Variants in NFATC2 observed in about 807,000 individuals in gnomAD.
The protein encoded by NFATC2 is nuclear factor of activated T cells 2.
Under a neutral mutation model 87.3 loss-of-function variants are expected in NFATC2, and 22 were observed. That is an observed-to-expected ratio of 0.25 (90% CI 0.18 to 0.36). The LOEUF (loss-of-function observed/expected upper bound fraction) is 0.36. Among genes scored for constraint, NFATC2 ranks in the 10% least tolerant of loss-of-function variants. The pLI is 1.00. For missense variants in NFATC2, 1,149 were observed against 1,259.1 expected, an observed-to-expected ratio of 0.91 and a Z score of 1.32; for synonymous variants, 565 against 542.2, an observed-to-expected ratio of 1.04 and a Z score of -0.58.
rs2076508157 is a variant in NFATC2 at position 51,524,337 on chromosome 20, C to T, written c.131-227G>A. Among the ~76,000 whole-genome samples the T allele has an allele frequency of 6.6e-6, 1 of 152,098 alleles. No homozygotes were observed. ...GAAGCAGAATGAGTTCTGGAAGACC[C>T]CTGGGCTAAGGGCCTCGAAACTTGG... is the stretch of plus-strand genomic sequence containing the variant. On this transcript the variant is annotated intron_variant, in intron 1 of 10. Coordinates refer to ENST00000371564, the MANE Select transcript of NFATC2 (RefSeq NM_012340.5). This position sits in a 1 kb window ranked among gnomAD's most constrained non-coding sequence, Gnocchi z 4.0.
chr20:51,463,518 CT>C (rs1987361883), intron 5 of NFATC2, among the ~76,000 whole-genome samples: 1 of 152,220 alleles, frequency 6.6e-6, no homozygotes, highest in Non-Finnish European at 1.5e-5. Context: ...GATCATTACT[CT>C]ACCATTCCAA....
intron 9 of NFATC2, among the ~76,000 whole-genome samples, chr20:51,408,656 A>ACCTT (rs1978743997): frequency 6.6e-6 from 1 of 152,106 alleles, no homozygotes; most frequent in Non-Finnish European, 1.5e-5. Context: ...TGAAATTAGA[A>ACCTT]CCTTCCCTCA....
rs1377520850 is a variant in NFATC2, at chr20:51,390,214, T to C, written c.*1282A>G. ...AGATTTCTTCATGTTAGAATTTGAG[T>C]GCGGATAGGTCTTCAGGGGCAGAAG... On this transcript the variant is annotated 3_prime_UTR_variant, in exon 11 of 11. Coordinates refer to ENST00000371564, the MANE Select transcript of NFATC2 (RefSeq NM_012340.5). 6.6e-6 allele frequency: 1 copy of C among 152,138 alleles called. No homozygotes were observed. Among genetic ancestry groups the C allele is most frequent in the African/African-American group, 2.4e-5 (1 of 41,412 alleles). The allele number at this position is 152,138 out of a possible 1,614,324, so 9.4% of individuals were successfully genotyped here.
rs140920790 is a variant in NFATC2 at position 51,555,103 on chromosome 20, C to T, written c.70+7457G>A. ...CCTGCCCCACACTGGCCCCAGCCATCTTCATCTCCTGCCTGGACCACTGCA... is the reference window on the plus strand; with the variant it reads ...CCTGCCCCACACTGGCCCCAGCCATTTTCATCTCCTGCCTGGACCACTGCA... On this transcript the variant is annotated intron_variant, in intron 1 of 10. Transcript: ENST00000414705. Among the ~76,000 whole-genome samples the T allele has an allele frequency of 4.4e-3, 676 of 152,310 alleles. 4 individuals are homozygous for T. The highest frequency in any genetic ancestry group is 0.016 in the African/African-American group (649 of 41,558).
At chr20:51,392,684 C>G (rs1233422581) in intron 10 of NFATC2, among the ~76,000 whole-genome samples, 1 of 152,212 alleles carries the variant, frequency 6.6e-6, no homozygotes, top group Non-Finnish European at 1.5e-5. Context: ...GGTTCTGACA[C>G]TGAATTCTTC....
chr20:51,492,612 C>T (rs370190627), intron 3 of NFATC2, among the ~76,000 whole-genome samples: 4 of 152,242 alleles, frequency 2.6e-5, no homozygotes, highest in Non-Finnish European at 5.9e-5. Context: ...GGGCCCTCTG[C>T]GCGGCTTCAA....
At chr20:51,543,424 C>G (rs1469668485), upstream of NFATC2, among the ~76,000 whole-genome samples, 1 of 152,190 alleles carries the variant, frequency 6.6e-6, no homozygotes, top group African/African-American at 2.4e-5. Flanking sequence ...GTTGGGGTGG[C>G]TTTAGTCCCT....
At chr20:51,538,931 G>T (rs1266511710) in intron 1 of NFATC2, among the ~76,000 whole-genome samples, 1 of 152,118 alleles carries the variant, frequency 6.6e-6, no homozygotes, top group East Asian at 1.9e-4. Context: ...CTTGCTAACT[G>T]GTTTGCATGT....
intron 9 of NFATC2, among the ~76,000 whole-genome samples, chr20:51,413,474 A>C (rs2146279414): frequency 6.6e-6 from 1 of 152,322 alleles, no homozygotes; most frequent in Middle Eastern, 3.4e-3. Context: ...AAAAACCTAA[A>C]GAGGCGGGGT....
intron 5 of NFATC2, among the ~76,000 whole-genome samples, chr20:51,466,126 C>G (rs1262698563): frequency 6.6e-5 from 10 of 152,100 alleles, no homozygotes; most frequent in Non-Finnish European, 1.3e-4. Flanking sequence ...GATCTCGGCT[C>G]ACTGCAACCT....
chr20:51,514,715 A>G (rs549937706), intron 3 of NFATC2, among the ~76,000 whole-genome samples: 5 of 152,250 alleles, frequency 3.3e-5, no homozygotes, highest in African/African-American at 1.2e-4. Context: ...TCTACTAAAA[A>G]TACAAAAATT....
chr20:51,434,433 G>GA (rs1264472264), intron 8 of NFATC2, among the ~76,000 whole-genome samples: 1 of 152,232 alleles, frequency 6.6e-6, no homozygotes, highest in African/African-American at 2.4e-5. Context: ...TTTCCCAAGG[G>GA]AGAGCTCAGA....
chr20:51,451,614 G>A (rs1985789654), intron 6 of NFATC2, among the ~76,000 whole-genome samples: 1 of 152,268 alleles, frequency 6.6e-6, no homozygotes, highest in African/African-American at 2.4e-5. Flanking sequence ...GCGCACAGCA[G>A]TAAGTGGGTG....
rs748060513 is a variant in NFATC2 at position 51,523,103 on chromosome 20, C to T, written c.1138G>A (p.Val380Met). 1 of 1,614,246 alleles carries T rather than the reference C, an allele frequency of 6.2e-7. No homozygotes were observed. Among genetic ancestry groups the T allele is most frequent in the South Asian group, 1.1e-5 (1 of 91,090 alleles). ...CACCTGCAGATGGGAATGGCAGGCACCAGCGGCTTGGGCCAAGTGGGCGGA... is the reference window on the plus strand; with the variant it reads ...CACCTGCAGATGGGAATGGCAGGCATCAGCGGCTTGGGCCAAGTGGGCGGA... ...LVPPTWPKPL[V>M]PAIPICSIPV... Residue 380 changes from valine (V) to methionine (M), a missense_variant, in exon 2 of 11, where the codon GTG becomes ATG. Around this residue, in one of 3 missense-constraint regions of NFATC2, gnomAD observed 563 missense variants for 585.2 expected, o/e 0.96. Coordinates refer to ENST00000371564, the MANE Select transcript of NFATC2 (RefSeq NM_012340.5). The surrounding 1 kb of genome is among the most constrained non-coding windows in gnomAD (Gnocchi z 6.9).
intron 10 of NFATC2, among the ~76,000 whole-genome samples, chr20:51,397,641 T>A (rs893420745): frequency 6.6e-6 from 1 of 152,128 alleles, no homozygotes; most frequent in African/African-American, 2.4e-5. Context: ...ATTCCTCAGA[T>A]GCAAAAAGTC....
chr20:51,391,568 G>A, intron 10 of NFATC2, 117 bp from the exon 11 acceptor site: 5 of 1,113,244 alleles, frequency 4.5e-6, no homozygotes, highest in Non-Finnish European at 6.6e-6. Context: ...TTTGAGACAA[G>A]GTCTTGCTCT....
At chr20:51,416,561 A>G (rs772948048) in intron 9 of NFATC2, among the ~76,000 whole-genome samples, 2 of 152,164 alleles carry the variant, frequency 1.3e-5, no homozygotes, top group Non-Finnish European at 2.9e-5. Context: ...TGGTGAGAAG[A>G]TATTAAAGGA....
At chr20:51,405,482 C>T (rs997662397) in intron 9 of NFATC2, among the ~76,000 whole-genome samples, 8 of 152,180 alleles carry the variant, frequency 5.3e-5, no homozygotes, top group South Asian at 2.1e-4. Context: ...GTGCCATGTT[C>T]GTAGAAGCTT....
At chr20:51,434,354 C>A (rs1008134022) in intron 8 of NFATC2, among the ~76,000 whole-genome samples, 1 of 152,198 alleles carries the variant, frequency 6.6e-6, no homozygotes, top group Non-Finnish European at 1.5e-5. Context: ...GTGATTGTCT[C>A]GAATTATAGG....
Sources: allele counts gnomAD v4.1 joint callset (sites outside exome capture counted in the v4.1 genomes callset), GRCh38; gene constraint gnomAD v4.1.1; regional missense constraint gnomAD v4.1.1; non-coding constraint Gnocchi (gnomAD v3.1); transcripts MANE v1.5; gene names NCBI Gene and HGNC (gene_info 2026-07-23, HGNC 2026-07-21).